Variants in PLXNA2 observed in about 807,000 individuals in gnomAD.
PLXNA2 encodes plexin A2.
PLXNA2 carries 91 observed loss-of-function variants against 193.5 expected under a neutral mutation model. That is an observed-to-expected ratio of 0.47 (90% CI 0.40 to 0.56). The LOEUF (loss-of-function observed/expected upper bound fraction) is 0.56, where lower values mean the gene tolerates loss of function less well. PLXNA2 is among the 20% of genes least tolerant of loss of function. The probability of loss-of-function intolerance (pLI) is 0.00; values close to 1 mark genes in which losing one functional copy is unlikely to be tolerated. For missense variants in PLXNA2, 1,995 were observed against 2,503.2 expected, an observed-to-expected ratio of 0.80 and a Z score of 4.33; for synonymous variants, 997 against 1,027.3, an observed-to-expected ratio of 0.97 and a Z score of 0.56.
At chr1:208,060,159 C>T (rs142918488) in intron 13 of PLXNA2, among the ~76,000 whole-genome samples, 1 of 152,294 alleles carries the variant, frequency 6.6e-6, no homozygotes, top group East Asian at 1.9e-4. Context: ...ATGAACACCC[C>T]AAATTGGAAC....
chr1:208,225,294 T>C (rs538319973), intron 1 of PLXNA2, among the ~76,000 whole-genome samples: 7 of 152,312 alleles, frequency 4.6e-5, no homozygotes, highest in African/African-American at 1.4e-4. Context: ...GTGTCTTTTG[T>C]TACTGTTGTT....
At chr1:208,168,959 C>T (rs144589936) in intron 3 of PLXNA2, among the ~76,000 whole-genome samples, 180 of 152,006 alleles carry the variant, frequency 1.2e-3, no homozygotes, top group Non-Finnish European at 2.0e-3. Flanking sequence ...CAACTCCACC[C>T]CCATATTCAT....
intron 1 of PLXNA2, 142 bp from the exon 2 acceptor site, chr1:208,218,144 C>T (rs764440092): frequency 1.5e-6 from 1 of 663,190 alleles, no homozygotes; most frequent in Non-Finnish European, 2.6e-6. Flanking sequence ...TTTTAACATA[C>T]TTTCTCCCTC....
intron 12 of PLXNA2, among the ~76,000 whole-genome samples, chr1:208,066,048 G>A (rs1165859496): frequency 6.6e-6 from 1 of 151,620 alleles, no homozygotes; most frequent in Non-Finnish European, 1.5e-5. Flanking sequence ...GTGTGTGTGT[G>A]TGAGTGAGTG....
chr1:208,166,023 CTAAT>C (rs1484062593), intron 3 of PLXNA2, among the ~76,000 whole-genome samples: 3 of 152,184 alleles, frequency 2.0e-5, no homozygotes, highest in Non-Finnish European at 4.4e-5. Context: ...GGCCTCATCT[CTAAT>C]TGTCCAAGGA....
chr1:208,031,256 T>C, intron 29 of PLXNA2: 1 of 1,133,948 alleles, frequency 8.8e-7, no homozygotes, highest in Non-Finnish European at 1.1e-6. Flanking sequence ...GCTCTTTGCA[T>C]AGGTTCCCCC....
At chr1:208,101,344 T>C (rs1288037271) in intron 5 of PLXNA2, among the ~76,000 whole-genome samples, 1 of 152,174 alleles carries the variant, frequency 6.6e-6, no homozygotes, top group Non-Finnish European at 1.5e-5. Flanking sequence ...TCCTCACGCC[T>C]GATACCAGGC....
At position 208,038,097 on chromosome 1, in the gene PLXNA2, A is replaced by C. The variant is rs535827027; in HGVS notation, c.4764+274T>G. ...TGTTGTTTTGTTTTGTTTTTTTGCA[A>C]ATGTAGAGGTACACAGAATAGAAAT... On this transcript the variant is annotated intron_variant, in intron 26 of 31. Transcript: ENST00000367033. This position sits in a 1 kb window ranked among gnomAD's most constrained non-coding sequence, Gnocchi z 4.1. Among the ~76,000 whole-genome samples the C allele has an allele frequency of 6.6e-6, 1 of 152,152 alleles. No homozygotes were observed. The highest frequency in any genetic ancestry group is 2.1e-4 in the South Asian group (1 of 4,806).
chr1:208,184,861 G>A (rs1284033647), intron 3 of PLXNA2, among the ~76,000 whole-genome samples: 1 of 152,152 alleles, frequency 6.6e-6, no homozygotes, highest in Non-Finnish European at 1.5e-5. Flanking sequence ...CGGGGGGCCA[G>A]CAGATGGTCC....
chr1:208,033,517 G>T lies in PLXNA2; in HGVS notation c.4865-8C>A. 6.3e-7 allele frequency: 1 copy of T among 1,595,180 alleles called. No homozygotes were observed. Among genetic ancestry groups the T allele is most frequent in the Non-Finnish European group, 8.6e-7 (1 of 1,166,972 alleles). On this transcript the variant is annotated splice_region_variant and splice_polypyrimidine_tract_variant and intron_variant, in intron 27 of 31. Coordinates refer to ENST00000367033, the MANE Select transcript of PLXNA2 (RefSeq NM_025179.4). ...TATACCTGAAGGAGGAGTCTGAGGA[G>T]AAGGGGTTGGTGGAGGGCTGTGAGT... is the stretch of plus-strand genomic sequence containing the variant.
chr1:208,110,913 C>CCACT (rs1202999407), intron 4 of PLXNA2, among the ~76,000 whole-genome samples: 1 of 152,170 alleles, frequency 6.6e-6, no homozygotes, highest in Admixed American at 6.5e-5. Context: ...ACCCGCCTGA[C>CCACT]CACTGCAAAT....
rs1664971863 is a variant in PLXNA2, at chr1:208,044,125, G to T, written c.3874+383C>A. 6.6e-6 allele frequency among the ~76,000 whole-genome samples: 1 copy of T among 152,238 alleles called. No homozygotes were observed. Reference sequence around the variant, plus strand: ...TTTGCTGCCGCTGCTCCCACGTGCTGCGAAGACAGTGTGCAGAAAAACAAG... The same window carrying T: ...TTTGCTGCCGCTGCTCCCACGTGCTTCGAAGACAGTGTGCAGAAAAACAAG... On this transcript the variant is annotated intron_variant, in intron 20 of 31. Coordinates refer to ENST00000367033, the MANE Select transcript of PLXNA2 (RefSeq NM_025179.4). The surrounding 1 kb of genome is among the most constrained non-coding windows in gnomAD (Gnocchi z 4.9).
chr1:208,171,896 T>C (rs988924778), intron 3 of PLXNA2, among the ~76,000 whole-genome samples: 1 of 151,774 alleles, frequency 6.6e-6, no homozygotes, highest in Non-Finnish European at 1.5e-5. Context: ...GCTCTTACCC[T>C]AATAGGATTA....
chr1:208,046,999 T>G (rs1197297516), intron 17 of PLXNA2, among the ~76,000 whole-genome samples: 1 of 152,170 alleles, frequency 6.6e-6, no homozygotes, highest in Non-Finnish European at 1.5e-5. Context: ...CTTGTTCTGT[T>G]GCCCAGGCTG....
chr1:208,103,369 G>C, intron 4 of PLXNA2, 122 bp from the exon 5 acceptor site: 1 of 718,234 alleles, frequency 1.4e-6, no homozygotes, highest in South Asian at 1.9e-5. Flanking sequence ...GTGATACTGG[G>C]CGGCAAGTCA....
Position 208,029,499 on chromosome 1 carries a change from A to C in PLXNA2, c.5226-457T>G, listed in dbSNP as rs981685441. On this transcript the variant is annotated intron_variant, in intron 29 of 31. Coordinates refer to ENST00000367033, the MANE Select transcript of PLXNA2 (RefSeq NM_025179.4). ...CCTCGGAGCAGGCACAAAGGGCGCC[A>C]CCTGCGCTCCCCGCCCAGCCCGGCT... 3.0e-6 allele frequency: 3 copies of C among 1,001,374 alleles called. No individual in the cohort carries two copies. In the African/African-American group the frequency reaches 5.2e-5, roughly 17 times the overall value. 62.0% of individuals were successfully genotyped at this position (1,001,374 alleles called of 1,614,324 possible). A position where few individuals can be genotyped will look rare whatever the true frequency, so the allele number is the denominator to read the frequency against.
intron 13 of PLXNA2, among the ~76,000 whole-genome samples, chr1:208,056,365 T>C (rs1558168557): frequency 6.6e-6 from 1 of 151,988 alleles, no homozygotes; most frequent in Non-Finnish European, 1.5e-5. Context: ...TCTGCTGGAG[T>C]GATCTTAGAG....
At position 208,028,142 on chromosome 1, in the gene PLXNA2, G is replaced by A. The variant is rs1179409338; in HGVS notation, c.5456C>T (p.Ala1819Val). 2.0e-5 allele frequency: 32 copies of A among 1,612,792 alleles called. No individual in the cohort carries two copies. The highest frequency in any genetic ancestry group is 2.5e-5 in the Non-Finnish European group (30 of 1,179,352). Residue 1819 changes from alanine to valine, a missense_variant, in exon 31 of 32, where the codon GCC (alanine) becomes GTC (valine). Transcript: ENST00000367033. The surrounding 1 kb of genome is among the most constrained non-coding windows in gnomAD (Gnocchi z 4.2). ...CTGGTCACTGATGGCTGGGAGCTTG[G>A]CGATGTCTGCGTAGTATCTGCCAGA... is the stretch of plus-strand genomic sequence containing the variant. ...SWVERYYADI[A>V]KLPAISDQDM...
Position 208,028,964 on chromosome 1 carries a change from G to T in PLXNA2, c.5304C>A (p.Asp1768Glu). The change falls in exon 30 of 32, where the codon GAC becomes GAA. Residue 1768 changes from aspartate (D) to glutamate (E), a missense_variant. Asp to Glu is a conservative substitution (Grantham distance 45). Around this residue, in one of 3 missense-constraint regions of PLXNA2, gnomAD observed 1,291 missense variants for 1,673.6 expected, o/e 0.77. Coordinates refer to ENST00000367033, the MANE Select transcript of PLXNA2 (RefSeq NM_025179.4). The surrounding 1 kb of genome is among the most constrained non-coding windows in gnomAD (Gnocchi z 4.2). Reference protein sequence around the residue: ...VFDIHKGSITDACLSVVAQTF... With the variant: ...VFDIHKGSITEACLSVVAQTF... ...TCTGGGCCACCACAGAGAGGCAGGCGTCCGTGATGCTGCCCTTGTGGATGT... is the reference window on the plus strand; with the variant it reads ...TCTGGGCCACCACAGAGAGGCAGGCTTCCGTGATGCTGCCCTTGTGGATGT... The T allele has an allele frequency of 6.2e-7, 1 of 1,614,096 alleles. No individual in the cohort carries two copies. The highest frequency in any genetic ancestry group is 8.5e-7 in the Non-Finnish European group (1 of 1,180,012).
Sources: allele counts gnomAD v4.1 joint callset (sites outside exome capture counted in the v4.1 genomes callset), GRCh38; gene constraint gnomAD v4.1.1; regional missense constraint gnomAD v4.1.1; non-coding constraint Gnocchi (gnomAD v3.1); transcripts MANE v1.5; gene names NCBI Gene and HGNC (gene_info 2026-07-23, HGNC 2026-07-21).